ABCC6: variants seen among roughly 807,000 people sequenced by gnomAD.
ABCC6 encodes ATP binding cassette subfamily C member 6.
ABCC6 carries 126 observed loss-of-function variants against 169.5 expected under a neutral mutation model. That is an observed-to-expected ratio of 0.74 (90% CI 0.64 to 0.86). The LOEUF is 0.86. Among genes scored for constraint, ABCC6 ranks in the 40% least tolerant of loss-of-function variants. ABCC6 has a pLI of 0.00. For synonymous variants in ABCC6, 752 were observed against 814.7 expected, an observed-to-expected ratio of 0.92 and a Z score of 1.31; for missense variants, 1,733 against 1,927.2, an observed-to-expected ratio of 0.90 and a Z score of 1.89.
intron 24 of ABCC6, among the ~76,000 whole-genome samples, chr16:16,161,940 G>A (rs1377412286): frequency 1.3e-5 from 2 of 152,124 alleles, no homozygotes; most frequent in African/African-American, 4.8e-5. Context: ...GAGGGATCTG[G>A]TGGGAGGTGA....
In ABCC6 at chr16:16,149,843, C is replaced by T. The variant is rs562565973; in HGVS notation, c.*290G>A. 5.8e-6 allele frequency: 3 copies of T among 518,622 alleles called. No homozygotes were observed. The highest frequency in any genetic ancestry group is 3.3e-5 in the East Asian group (1 of 30,150). The allele number at this position is 518,622 out of a possible 1,614,324, so 32.1% of individuals were successfully genotyped here. On this transcript the variant is annotated 3_prime_UTR_variant, in exon 31 of 31. Coordinates refer to ENST00000205557, the MANE Select transcript of ABCC6 (RefSeq NM_001171.6). The stretch of plus-strand genomic sequence containing the variant: ...CGGGAGCCTGGGCATGTGCTTGAGG[C>T]CCCCAGGTGAGTCCAGAGTACAGCG...
chr16:16,150,319 T>A (rs776931069), intron 30 of ABCC6, 78 bp from the exon 31 acceptor site: 55 of 1,598,406 alleles, frequency 3.4e-5, no homozygotes, highest in Non-Finnish European at 4.7e-5. Context: ...CCAGTGTGTC[T>A]GCGCTGAGGT....
At chr16:16,214,210 G>T (rs4780617) in intron 5 of ABCC6, 114 bp downstream of exon 5, 2 of 1,529,882 alleles carry the variant, frequency 1.3e-6, no homozygotes, top group Non-Finnish European at 1.8e-6. Context: ...TAGAAATGTG[G>T]TACACTTTTT....
intron 10 of ABCC6, among the ~76,000 whole-genome samples, chr16:16,196,819 A>G (rs2048052967): frequency 6.6e-6 from 1 of 152,304 alleles, no homozygotes; most frequent in East Asian, 1.9e-4. Flanking sequence ...CTCCTGCCTC[A>G]GCCTCCTGAG....
At chr16:16,197,891 G>T (rs2048103018) in intron 10 of ABCC6, 130 bp downstream of exon 10, 2 of 1,115,986 alleles carry the variant, frequency 1.8e-6, no homozygotes, top group South Asian at 1.4e-5. Context: ...TAACCCTGGG[G>T]TCACAGCGGA....
At chr16:16,197,606 G>A (rs1179944208) in intron 10 of ABCC6, among the ~76,000 whole-genome samples, 10 of 149,364 alleles carry the variant, frequency 6.7e-5, no homozygotes, top group Non-Finnish European at 1.2e-4. Flanking sequence ...AGAGGAAGAG[G>A]AGGAGGAGGG....
chr16:16,193,002 C>A, intron 10 of ABCC6, 80 bp from the exon 11 acceptor site: 1 of 1,194,862 alleles, frequency 8.4e-7, no homozygotes, highest in Non-Finnish European at 1.2e-6. Flanking sequence ...GCAACTCCAT[C>A]TTGAATAGGG....
intron 15 of ABCC6, among the ~76,000 whole-genome samples, chr16:16,184,694 A>C (rs1238331126): frequency 1.3e-5 from 2 of 152,094 alleles, no homozygotes; most frequent in African/African-American, 4.8e-5. Flanking sequence ...GCCTGGGAGC[A>C]CAGGGGTGTC....
chr16:16,164,560 C>G (rs1449876825), intron 23 of ABCC6, among the ~76,000 whole-genome samples: 1 of 152,160 alleles, frequency 6.6e-6, no homozygotes, highest in Non-Finnish European at 1.5e-5. Context: ...TATATGACTA[C>G]TGAGCTGAAG....
At chr16:16,159,732 C>G in intron 25 of ABCC6, 149 bp from the exon 26 acceptor site, 1 of 721,848 alleles carries the variant, frequency 1.4e-6, no homozygotes, top group Non-Finnish European at 2.5e-6. Context: ...GACCTGGGCC[C>G]AGGGGATTGG....
chr16:16,206,625 G>A (rs539208426), intron 7 of ABCC6, among the ~76,000 whole-genome samples: 396 of 152,024 alleles, frequency 2.6e-3, no homozygotes, highest in African/African-American at 9.3e-3. Flanking sequence ...TTCAGAAGCT[G>A]ACGGAGCCTG....
At chr16:16,152,548 A>G (rs1187766664) in intron 29 of ABCC6, among the ~76,000 whole-genome samples, 1 of 152,110 alleles carries the variant, frequency 6.6e-6, no homozygotes, top group Non-Finnish European at 1.5e-5. Context: ...ACTCAGGACT[A>G]AAATGAGTAT....
At chr16:16,173,043 A>G (rs2047164387) in intron 21 of ABCC6, 1 of 595,780 alleles carries the variant, frequency 1.7e-6, no homozygotes, top group Non-Finnish European at 2.9e-6. Context: ...CACTTTCTCA[A>G]AATCAAAATA....
chr16:16,187,112 C>T lies in ABCC6; in HGVS notation c.1867+12G>A. 6.2e-7 allele frequency: 1 copy of T among 1,609,612 alleles called. No individual in the cohort carries two copies. Among genetic ancestry groups the T allele is most frequent in the Non-Finnish European group, 8.5e-7 (1 of 1,176,610 alleles). On this transcript the variant is annotated intron_variant, in intron 14 of 30. Transcript: ENST00000205557. ...TCCCTCCCACACCCCTCCTGCCAGA[C>T]TCAGCACTCACCGCTTCCAGAGGAA...
At position 16,187,126 on chromosome 16, in the gene ABCC6, C is replaced by T; in HGVS notation, c.1865G>A (p.Ser622Asn). The T allele has an allele frequency of 6.2e-7, 1 of 1,613,246 alleles. No homozygotes were observed. Among genetic ancestry groups the T allele is most frequent in the Non-Finnish European group, 8.5e-7 (1 of 1,179,516 alleles). The change falls in exon 14 of 31, where the codon AGC (serine) becomes AAC (asparagine). Residue 622 changes from serine (S) to asparagine (N), a missense_variant and splice_region_variant. Physicochemically the swap from Ser to Asn is conservative, Grantham distance 46. Transcript: ENST00000205557. Reference sequence around the variant, plus strand: ...CTCCTGCCAGACTCAGCACTCACCGCTTCCAGAGGAACTTGAGTCTACGAC... The same window carrying T: ...CTCCTGCCAGACTCAGCACTCACCGTTTCCAGAGGAACTTGAGTCTACGAC... ...PGVVDSSSSG[S>N]AAGKDCITIH...
intron 9 of ABCC6, among the ~76,000 whole-genome samples, chr16:16,200,428 A>AG (rs1491062172): frequency 2.1e-5 from 3 of 140,950 alleles, no homozygotes; most frequent in Non-Finnish European, 4.7e-5. Context: ...AAACTCTGTC[A>AG]GAAAAAAAAA....
intron 20 of ABCC6, among the ~76,000 whole-genome samples, chr16:16,173,705 T>C (rs999924878): frequency 1.3e-5 from 2 of 151,824 alleles, no homozygotes; most frequent in African/African-American, 4.8e-5. Context: ...TCTTTTTTTT[T>C]TTTTTTTGAG....
chr16:16,178,008 G>A (rs529256547), intron 18 of ABCC6, among the ~76,000 whole-genome samples: 13 of 145,784 alleles, frequency 8.9e-5, no homozygotes, highest in Non-Finnish European at 1.7e-4. Context: ...AGGAAGGAAA[G>A]AGAGAGAGAG....
chr16:16,192,892 C>T lies in ABCC6; in HGVS notation c.1369G>A (p.Ala457Thr), dbSNP rs775349711. Reference protein sequence around the residue: ...LLGPSALTAIAVFLSLLPLNF... With the variant: ...LLGPSALTAITVFLSLLPLNF... ...AGAGGGAGGAGGCTCAGGAAGACAG[C>T]GATGGCAGTGAGGGCGGAGGGCCCC... Residue 457 changes from alanine to threonine, a missense_variant, in exon 11 of 31, where the codon GCT (alanine) becomes ACT (threonine). Ala to Thr is a moderately conservative substitution (Grantham distance 58). This residue lies in a region of ABCC6 where 1,601 missense variants were observed against 1,635.5 expected (regional missense o/e 0.98). Coordinates refer to ENST00000205557, the MANE Select transcript of ABCC6 (RefSeq NM_001171.6). The T allele has an allele frequency of 2.0e-5, 33 of 1,613,936 alleles. No homozygotes were observed. The highest frequency in any genetic ancestry group is 1.8e-4 in the South Asian group (16 of 91,082).
Sources: allele counts gnomAD v4.1 joint callset (sites outside exome capture counted in the v4.1 genomes callset), GRCh38; gene constraint gnomAD v4.1.1; regional missense constraint gnomAD v4.1.1; transcripts MANE v1.5; gene names NCBI Gene and HGNC (gene_info 2026-07-23, HGNC 2026-07-21).